Variants in DLEU7 observed in about 807,000 individuals in gnomAD.
The protein encoded by DLEU7 is leukemia-associated protein 7.
Under a neutral mutation model 16.0 loss-of-function variants are expected in DLEU7, and 17 were observed. That is an observed-to-expected ratio of 1.06 (90% CI 0.73 to 1.59). DLEU7 has a LOEUF of 1.59. Among genes scored for constraint, DLEU7 ranks in the 40% most tolerant of loss-of-function variants. The probability of loss-of-function intolerance (pLI) is 0.00; values close to 1 mark genes in which losing one functional copy is unlikely to be tolerated. For synonymous variants in DLEU7, 113 were observed against 139.8 expected, an observed-to-expected ratio of 0.81 and a Z score of 1.35; for missense variants, 308 against 314.9, an observed-to-expected ratio of 0.98 and a Z score of 0.17.
intron 1 of DLEU7, among the ~76,000 whole-genome samples, chr13:50,839,711 A>G (rs539725485): frequency 3.3e-4 from 51 of 152,362 alleles, no homozygotes; most frequent in African/African-American, 1.2e-3. Context: ...TTCATGGATC[A>G]TATTCATTAA....
intron 1 of DLEU7, among the ~76,000 whole-genome samples, chr13:50,766,269 C>A (rs572359276): frequency 1.3e-5 from 2 of 152,296 alleles, no homozygotes; most frequent in South Asian, 4.2e-4. Flanking sequence ...CCATCACGTT[C>A]GGCATCATGT....
intron 1 of DLEU7, among the ~76,000 whole-genome samples, chr13:50,737,059 G>A (rs1210393308): frequency 6.6e-6 from 1 of 152,076 alleles, no homozygotes; most frequent in Non-Finnish European, 1.5e-5. Flanking sequence ...AGTTTGTGGG[G>A]TGGGGGAACT....
chr13:50,728,904 C>A (rs1686706090), intron 1 of DLEU7, among the ~76,000 whole-genome samples: 1 of 152,166 alleles, frequency 6.6e-6, no homozygotes, highest in African/African-American at 2.4e-5. Flanking sequence ...ACTGTCTCCC[C>A]TCCTTAATAT....
chr13:50,812,056 C>T (rs1014806989), intron 1 of DLEU7, among the ~76,000 whole-genome samples: 10 of 109,638 alleles, frequency 9.1e-5, no homozygotes, highest in Middle Eastern at 8.5e-3. Context: ...GGTGACAGAG[C>T]GAGATTCCAT....
At chr13:50,796,078 T>TC (rs5803532) in intron 1 of DLEU7, among the ~76,000 whole-genome samples, 63,230 of 151,608 alleles carry the variant, frequency 0.42, 13,439 homozygotes, top group African/African-American at 0.5. Flanking sequence ...TATATAATAT[T>TC]CCCCCCTTAT....
chr13:50,739,798 T>C (rs1035582038), intron 1 of DLEU7, among the ~76,000 whole-genome samples: 3 of 152,192 alleles, frequency 2.0e-5, no homozygotes, highest in Non-Finnish European at 4.4e-5. Context: ...AATTCTCACT[T>C]TCTTATCAGC....
chr13:50,775,939 T>C (rs1023314955), intron 1 of DLEU7, among the ~76,000 whole-genome samples: 12 of 152,232 alleles, frequency 7.9e-5, no homozygotes, highest in African/African-American at 2.7e-4. Flanking sequence ...TAGCTTTGTT[T>C]TGGTGACTAT....
chr13:50,783,255 ACTT>A (rs1431736565), intron 1 of DLEU7, among the ~76,000 whole-genome samples: 2 of 152,098 alleles, frequency 1.3e-5, no homozygotes, highest in Non-Finnish European at 2.9e-5. Context: ...CACTTCCCCT[ACTT>A]CTTCCCTTTT....
chr13:50,715,088 G>A (rs1873402850), intron 1 of DLEU7, among the ~76,000 whole-genome samples: 1 of 152,124 alleles, frequency 6.6e-6, no homozygotes, highest in Non-Finnish European at 1.5e-5. Context: ...GGCTGTCGGC[G>A]GGAACTGCCA....
chr13:50,836,147 C>T (rs1416539653), intron 1 of DLEU7, among the ~76,000 whole-genome samples: 2 of 152,206 alleles, frequency 1.3e-5, no homozygotes, highest in Non-Finnish European at 2.9e-5. Flanking sequence ...AACAAGTTGG[C>T]TCTTTTGAAA....
In DLEU7 at chr13:50,825,291, GCTGA is replaced by G. The variant is rs879465317; in HGVS notation, c.460-1775_460-1772del. Among the ~76,000 whole-genome samples the G allele has an allele frequency of 3.3e-5, 5 of 152,088 alleles. No individual in the cohort carries two copies. In the East Asian group the frequency reaches 5.8e-4, roughly 18 times the overall value. ...TTTCCTGAAAGGCAGATCACAACAT[GCTGA>G]CTATTTCATAATAAATTGAAGGTGA... On this transcript the variant is annotated intron_variant, in intron 1 of 1. Transcript: ENST00000504404.
At chr13:50,711,975 G>T (rs949372509) in exon 2 of DLEU7, 1 of 151,878 alleles carries the variant, frequency 6.6e-6, no homozygotes, top group Non-Finnish European at 1.5e-5. Context: ...AAATTTCAGG[G>T]ACCATTTATG....
rs73492016 is a variant in DLEU7, at chr13:50,712,793, A to C, written c.*424T>G. 1,144 of 171,762 alleles carry C rather than the reference A, an allele frequency of 6.7e-3. 12 individuals carry two copies. Among genetic ancestry groups the C allele is most frequent in the African/African-American group, 0.026 (1,076 of 42,092 alleles). The allele number at this position is 171,762 out of a possible 1,614,324, so 10.6% of individuals were successfully genotyped here. ...TCCTTTTGAATTCTACTTCAGTGCA[A>C]AGGTAACTGGCTTAGGAGAATGTTG... On this transcript the variant is annotated 3_prime_UTR_variant, in exon 2 of 2. Transcript: ENST00000400393.
At chr13:50,764,460 C>T (rs542683754) in intron 1 of DLEU7, among the ~76,000 whole-genome samples, 13 of 152,248 alleles carry the variant, frequency 8.5e-5, no homozygotes, top group Non-Finnish European at 1.5e-4. Context: ...TCTGGATGGC[C>T]GAAGGACCTA....
chr13:50,718,067 G>T (rs1459082495), intron 1 of DLEU7, among the ~76,000 whole-genome samples: 6 of 151,986 alleles, frequency 3.9e-5, no homozygotes, highest in African/African-American at 1.2e-4. Flanking sequence ...AAGACCTACA[G>T]AATCAGAATA....
chr13:50,753,822 G>A (rs1040387148), intron 1 of DLEU7, among the ~76,000 whole-genome samples: 2 of 152,244 alleles, frequency 1.3e-5, no homozygotes, highest in Non-Finnish European at 2.9e-5. Flanking sequence ...GAGGTGCCAA[G>A]AGCGAGCGAG....
At chr13:50,765,559 G>C (rs1875077825) in intron 1 of DLEU7, among the ~76,000 whole-genome samples, 1 of 151,868 alleles carries the variant, frequency 6.6e-6, no homozygotes, top group African/African-American at 2.4e-5. Context: ...AGGCCCTGGG[G>C]GAGAGAAGAG....
chr13:50,820,552 A>T (rs1420783458), downstream of DLEU7, among the ~76,000 whole-genome samples: 1 of 152,114 alleles, frequency 6.6e-6, no homozygotes, highest in Non-Finnish European at 1.5e-5. Flanking sequence ...TAGATCTGCT[A>T]GGGAGACGAG....
At chr13:50,765,879 G>A (rs1156492414) in intron 1 of DLEU7, among the ~76,000 whole-genome samples, 4 of 152,200 alleles carry the variant, frequency 2.6e-5, no homozygotes, top group Non-Finnish European at 2.9e-5. Context: ...GCATTGCGTG[G>A]ATTATTTGGA....
Sources: gnomAD v4.1 joint callset for allele counts (sites outside exome capture counted in the v4.1 genomes callset) on GRCh38, gnomAD v4.1.1 for gene constraint, MANE v1.5 for transcripts, NCBI Gene and HGNC (gene_info 2026-07-23, HGNC 2026-07-21) for gene names.